THBS2: variants seen among roughly 807,000 people sequenced by gnomAD.
THBS2 encodes thrombospondin 2.
Under a neutral mutation model 135.2 loss-of-function variants are expected in THBS2, and 47 were observed. The observed-to-expected ratio is 0.35, with a 90% CI of 0.28 to 0.44. The LOEUF is 0.44. THBS2 is among the 20% of genes least tolerant of loss of function. The pLI is 1.00. For synonymous variants in THBS2, 639 were observed against 633.8 expected (o/e 1.01, Z -0.12); for missense variants, 1,288 against 1,603.1 (o/e 0.80, Z 3.36).
rs1780140631 is a variant in THBS2, at chr6:169,237,520, C to T, written c.1300+105G>A. 4.5e-6 allele frequency: 7 copies of T among 1,554,536 alleles called. No homozygotes were observed. In the South Asian group the frequency reaches 7.9e-5, roughly 17 times the overall value. Reference sequence around the variant, plus strand: ...CCTGGCTAGAATCCTTGCAAAGGCCCAGCACCTCGTGAGGGCAGCTCTGTC... The same window carrying T: ...CCTGGCTAGAATCCTTGCAAAGGCCTAGCACCTCGTGAGGGCAGCTCTGTC... On this transcript the variant is annotated intron_variant, in intron 8 of 21. Transcript: ENST00000617924.
At chr6:169,228,374 G>T in intron 14 of THBS2, 93 bp from the exon 15 acceptor site, 1 of 1,440,448 alleles carries the variant, frequency 6.9e-7, no homozygotes, top group Non-Finnish European at 9.4e-7. Context: ...CAAGGTTGAT[G>T]AAAATCAATA....
chr6:169,247,022 C>G (rs1780575244), intron 3 of THBS2, among the ~76,000 whole-genome samples: 1 of 152,174 alleles, frequency 6.6e-6, no homozygotes, highest in Non-Finnish European at 1.5e-5. Context: ...GAAAAGGGCA[C>G]CTGCTACTTT....
chr6:169,248,032 G>GGT (rs937173905), intron 3 of THBS2, among the ~76,000 whole-genome samples: 7 of 139,864 alleles, frequency 5.0e-5, no homozygotes, highest in Non-Finnish European at 9.6e-5. Flanking sequence ...TATGTGGTGA[G>GGT]GTGTGTGTGT....
At chr6:169,242,613 CA>C in intron 4 of THBS2, among the ~76,000 whole-genome samples, 1 of 81,670 alleles carries the variant, frequency 1.2e-5, no homozygotes, top group Non-Finnish European at 2.7e-5. Context: ...CCCACCTTCC[CA>C]CCGCTCCCAC....
chr6:169,243,673 A>C (rs1192965011), intron 4 of THBS2, among the ~76,000 whole-genome samples: 1 of 152,224 alleles, frequency 6.6e-6, no homozygotes, highest in East Asian at 1.9e-4. Flanking sequence ...GATTTTACCC[A>C]GCACACTAAT....
intron 13 of THBS2, among the ~76,000 whole-genome samples, chr6:169,231,459 C>T (rs1327744464): frequency 1.3e-5 from 2 of 152,198 alleles, no homozygotes; most frequent in Non-Finnish European, 2.9e-5. Flanking sequence ...TTGTGAGCCT[C>T]CCGGGCCGTG....
chr6:169,237,558 C>G (rs1780142532), intron 8 of THBS2, 67 bp downstream of exon 8: 18 of 1,600,242 alleles, frequency 1.1e-5, no homozygotes, highest in Non-Finnish European at 1.5e-5. Flanking sequence ...TTGCAAAGGT[C>G]CCGATGACTG....
intron 21 of THBS2, among the ~76,000 whole-genome samples, chr6:169,218,098 G>T: frequency 7.4e-6 from 1 of 135,524 alleles, no homozygotes; most frequent in Non-Finnish European, 1.6e-5. Flanking sequence ...ATGGGTGGGT[G>T]GATGGATGGG....
intron 19 of THBS2, 71 bp from the exon 20 acceptor site, chr6:169,221,598 G>T: frequency 7.2e-7 from 1 of 1,384,052 alleles, no homozygotes; most frequent in Non-Finnish European, 1.0e-6. Context: ...GTAACACCAA[G>T]CAGGAAGCAA....
chr6:169,222,462 T>C lies in THBS2; in HGVS notation c.3008A>G (p.Asp1003Gly), dbSNP rs1280963753. 1 of 1,612,502 alleles carries C rather than the reference T, an allele frequency of 6.2e-7. No homozygotes were observed. ...ACTGAAGTCCACAGACCCAAACTCG[T>C]CAAAACCTGGATGCAACGCCATAAG... is the stretch of plus-strand genomic sequence containing the variant. Reference protein sequence around the residue: ...NSDPGIAVGFDEFGSVDFSGT... With the variant: ...NSDPGIAVGFGEFGSVDFSGT... The change falls in exon 19 of 22, where the codon GAC (aspartate) becomes GGC (glycine). Residue 1003 changes from aspartate to glycine, a missense_variant. Transcript: ENST00000617924.
intron 7 of THBS2, chr6:169,239,368 T>G: frequency 1.8e-6 from 1 of 557,052 alleles, no homozygotes; most frequent in Non-Finnish European, 3.2e-6. Flanking sequence ...CTGAGAAGCA[T>G]CAGGACTGGC....
rs542993280 is a variant in THBS2, at chr6:169,237,518, C to T, written c.1300+107G>A. 4.1e-4 allele frequency: 631 copies of T among 1,550,276 alleles called. No homozygotes were observed. In the African/African-American group the frequency reaches 7.5e-3, roughly 18 times the overall value. ...CACCTGGCTAGAATCCTTGCAAAGG[C>T]CCAGCACCTCGTGAGGGCAGCTCTG... On this transcript the variant is annotated intron_variant, in intron 8 of 21. Transcript: ENST00000617924.
At chr6:169,244,203 C>T (rs1433750402) in intron 4 of THBS2, among the ~76,000 whole-genome samples, 2 of 140,202 alleles carry the variant, frequency 1.4e-5, no homozygotes, top group Non-Finnish European at 3.1e-5. Flanking sequence ...AAGAGTTTCC[C>T]ATAAGTTTTA....
intron 17 of THBS2, among the ~76,000 whole-genome samples, chr6:169,224,135 C>G (rs1779534788): frequency 1.4e-5 from 1 of 71,212 alleles, no homozygotes. Context: ...ACGTGGCCTG[C>G]CGTTTTGGAG....
Position 169,234,884 on chromosome 6 carries a change from A to G in THBS2, c.1501T>C (p.Ser501Pro). The change falls in exon 10 of 22, where the codon TCC (serine) becomes CCC (proline). Residue 501 changes from serine to proline, a missense_variant. Transcript: ENST00000617924. ...CPIDGRWSPW[S>P]PWSACTVTCA... The stretch of plus-strand genomic sequence containing the variant: ...GTGACAGTGCAGGCCGACCACGGGG[A>G]CCAGGGGCTCCAGCGGCCATCGACT... The G allele has an allele frequency of 6.2e-7, 1 of 1,610,428 alleles. No individual in the cohort carries two copies. The highest frequency in any genetic ancestry group is 1.7e-4 in the Middle Eastern group (1 of 6,002).
chr6:169,248,357 G>T, intron 3 of THBS2, 60 bp downstream of exon 3: 2 of 1,530,920 alleles, frequency 1.3e-6, no homozygotes, highest in Non-Finnish European at 1.8e-6. Context: ...CGCATTAGCA[G>T]ATCAGTTCCC....
At chr6:169,238,448 A>G (rs749168998) in intron 7 of THBS2, among the ~76,000 whole-genome samples, 1 of 152,198 alleles carries the variant, frequency 6.6e-6, no homozygotes, top group Non-Finnish European at 1.5e-5. Flanking sequence ...GAAAGAAAAG[A>G]AAAATGGTCA....
At chr6:169,230,258 T>C (rs1329933542) in intron 13 of THBS2, among the ~76,000 whole-genome samples, 1 of 152,196 alleles carries the variant, frequency 6.6e-6, no homozygotes, top group East Asian at 1.9e-4. Flanking sequence ...ATACCATAAT[T>C]TAAAGCTGAG....
At position 169,239,664 on chromosome 6, in the gene THBS2, C is replaced by A; in HGVS notation, c.1064G>T (p.Cys355Phe). The change falls in exon 7 of 22, where the codon TGC (cysteine) becomes TTC (phenylalanine). Residue 355 changes from cysteine (C) to phenylalanine (F), a missense_variant. This residue lies in a region of THBS2 where 874 missense variants were observed against 1,156.1 expected (regional missense o/e 0.76). Transcript: ENST00000617924. ...KFKTICHQITCPPATCASPSF... is the reference protein window; with the variant it reads ...KFKTICHQITFPPATCASPSF... ...TGGACTGGCGCAGGTTGCAGGCGGG[C>A]AGGTGATTTGGTGGCAAATGGTTTT... 1 of 1,603,906 alleles carries A rather than the reference C, an allele frequency of 6.2e-7. No homozygotes were observed. The highest frequency in any genetic ancestry group is 8.5e-7 in the Non-Finnish European group (1 of 1,175,728).
Sources: allele counts gnomAD v4.1 joint callset (sites outside exome capture counted in the v4.1 genomes callset), GRCh38; gene constraint gnomAD v4.1.1; regional missense constraint gnomAD v4.1.1; transcripts MANE v1.5; gene names NCBI Gene and HGNC (gene_info 2026-07-23, HGNC 2026-07-21).